The following NCBP1 variants were observed in gnomAD, a reference collection of about 807,000 sequenced individuals.
The protein encoded by NCBP1 is nuclear cap-binding protein subunit 1.
NCBP1 carries 16 observed loss-of-function variants against 111.7 expected under a neutral mutation model. The ratio of observed to expected loss-of-function variants is 0.14; its 90% confidence interval spans 0.10 to 0.22. The LOEUF is 0.22. Among genes scored for constraint, NCBP1 ranks in the 10% least tolerant of loss-of-function variants. The pLI, the probability that NCBP1 is intolerant of heterozygous loss-of-function variation, is 1.00. For missense variants in NCBP1, 607 were observed against 957.5 expected (o/e 0.63, Z 4.83); for synonymous variants, 304 against 314.3 (o/e 0.97, Z 0.35).
At chr9:97,633,980 G>T (rs1799934434) in intron 1 of NCBP1, 65 bp downstream of exon 1, 4 of 1,496,390 alleles carry the variant, frequency 2.7e-6, no homozygotes, top group Non-Finnish European at 2.7e-6. Flanking sequence ...GGCGTCTTTG[G>T]GTGTCCACGG....
Position 97,658,669 on chromosome 9 carries a change from T to C in NCBP1, c.1403T>C (p.Ile468Thr), listed in dbSNP as rs376131263. The C allele has an allele frequency of 1.2e-6, 2 of 1,612,852 alleles. No individual in the cohort carries two copies. Among genetic ancestry groups the C allele is most frequent in the African/African-American group, 2.7e-5 (2 of 74,764 alleles). Residue 468 changes from isoleucine to threonine, a missense_variant, in exon 15 of 23, where the codon ATT becomes ACT. Ile to Thr is a moderately conservative substitution (Grantham distance 89, BLOSUM62 -1). Coordinates refer to ENST00000375147, the MANE Select transcript of NCBP1 (RefSeq NM_002486.5). Reference sequence around the variant, plus strand: ...TCTTACCATCAGCGTATATTAGATATTGTTCCTCCTACCTTCTCAGCTCTG... The same window carrying C: ...TCTTACCATCAGCGTATATTAGATACTGTTCCTCCTACCTTCTCAGCTCTG... ...RLSYHQRILD[I>T]VPPTFSALCP...
At chr9:97,637,668 C>A (rs981404737) in intron 1 of NCBP1, among the ~76,000 whole-genome samples, 1 of 152,136 alleles carries the variant, frequency 6.6e-6, no homozygotes, top group African/African-American at 2.4e-5. Context: ...TGTTATCTTT[C>A]AAGTTGTTCA....
intron 10 of NCBP1, among the ~76,000 whole-genome samples, chr9:97,652,278 A>G (rs903024907): frequency 6.6e-6 from 1 of 152,194 alleles, no homozygotes; most frequent in African/African-American, 2.4e-5. Flanking sequence ...CTGGGATTAC[A>G]GGCATGAGCC....
intron 1 of NCBP1, chr9:97,635,938 T>G (rs1043312359): frequency 1.3e-5 from 2 of 152,214 alleles, no homozygotes; most frequent in Non-Finnish European, 2.9e-5. Context: ...AAAATAACTT[T>G]TGCTTTGGTT....
At chr9:97,668,751 C>A (rs1828088028) in intron 20 of NCBP1, 95 bp from the exon 21 acceptor site, 1 of 1,366,498 alleles carries the variant, frequency 7.3e-7, no homozygotes, top group South Asian at 1.4e-5. Flanking sequence ...TAAGTCTTAA[C>A]ATTTGGCCAG....
In NCBP1 at chr9:97,662,159, A is replaced by G. The variant is rs1413101846; in HGVS notation, c.1703+15A>G. The G allele has an allele frequency of 1.3e-6, 2 of 1,590,592 alleles. No homozygotes were observed. Among genetic ancestry groups the G allele is most frequent in the Non-Finnish European group, 8.6e-7 (1 of 1,159,892 alleles). On this transcript the variant is annotated intron_variant, in intron 17 of 22. Transcript: ENST00000375147. ...GCTCTTGCAAAGTATGTATGAGTAC[A>G]GAGCCTTGCTTGAGAGTTTGGAATT...
Position 97,657,202 on chromosome 9 carries a change from G to A in NCBP1, c.1373+1117G>A, listed in dbSNP as rs191379557. Reference sequence around the variant, plus strand: ...GGGATGATCTCGATCTCCTGACCTCGTGATCCGCCCGCCTCGGCCTCCCAA... The same window carrying A: ...GGGATGATCTCGATCTCCTGACCTCATGATCCGCCCGCCTCGGCCTCCCAA... On this transcript the variant is annotated intron_variant, in intron 14 of 22. Coordinates refer to ENST00000375147, the MANE Select transcript of NCBP1 (RefSeq NM_002486.5). Among the ~76,000 whole-genome samples the A allele has an allele frequency of 4.0e-4, 61 of 152,218 alleles. No homozygotes were observed. In the East Asian group the frequency reaches 8.5e-3, roughly 21 times the overall value.
intron 1 of NCBP1, among the ~76,000 whole-genome samples, 167 bp from the exon 2 acceptor site, chr9:97,640,627 C>G (rs1304057039): frequency 6.6e-6 from 1 of 152,030 alleles, no homozygotes; most frequent in Non-Finnish European, 1.5e-5. Context: ...GAATGGGAGG[C>G]TGTTGGTTAA....
intron 9 of NCBP1, 93 bp from the exon 10 acceptor site, chr9:97,651,217 T>C (rs950320237): frequency 5.3e-6 from 5 of 936,528 alleles, no homozygotes; most frequent in Non-Finnish European, 7.7e-6. Context: ...GATTTTTCTT[T>C]GCTTATATCT....
intron 17 of NCBP1, 78 bp downstream of exon 17, chr9:97,662,222 T>C (rs1827860168): frequency 9.3e-7 from 1 of 1,072,386 alleles, no homozygotes; most frequent in Admixed American, 1.8e-5. Context: ...AATTTTTACC[T>C]AAGATTGTTG....
chr9:97,647,901 C>G, intron 7 of NCBP1, 107 bp from the exon 8 acceptor site: 2 of 981,150 alleles, frequency 2.0e-6, no homozygotes, highest in East Asian at 2.6e-5. Flanking sequence ...TACCATCTTA[C>G]AAGTTAGCTT....
intron 16 of NCBP1, among the ~76,000 whole-genome samples, chr9:97,661,793 A>ATT (rs201444041): frequency 7.0e-4 from 88 of 126,156 alleles, no homozygotes; most frequent in African/African-American, 1.9e-3. Flanking sequence ...AACCTGTGTG[A>ATT]TTTTTTTTTT....
intron 1 of NCBP1, among the ~76,000 whole-genome samples, chr9:97,637,784 G>A (rs769232821): frequency 2.0e-5 from 3 of 152,118 alleles, no homozygotes; most frequent in Non-Finnish European, 4.4e-5. Flanking sequence ...ATTTTACAGG[G>A]TTGGTTTTTG....
chr9:97,644,768 A>G (rs1027941206), intron 4 of NCBP1, among the ~76,000 whole-genome samples: 2 of 152,200 alleles, frequency 1.3e-5, no homozygotes, highest in Admixed American at 6.5e-5. Context: ...TGTCCTTTAT[A>G]TAGTCTTTGT....
Position 97,671,201 on chromosome 9 carries a change from G to T in NCBP1, c.*2G>T. 1.3e-6 allele frequency: 2 copies of T among 1,579,592 alleles called. No individual in the cohort carries two copies. The highest frequency in any genetic ancestry group is 2.2e-5 in the East Asian group (1 of 44,626). On this transcript the variant is annotated 3_prime_UTR_variant, in exon 23 of 23. Coordinates refer to ENST00000375147, the MANE Select transcript of NCBP1 (RefSeq NM_002486.5). ...CAGTTCTGTGCCCTGCAGGCCTAAG[G>T]GTCATTTTTTCCTCATGTCAAGGTT...
At chr9:97,664,299 ATGTGTG>A (rs750035060) in intron 18 of NCBP1, 35 bp from the exon 19 acceptor site, 1 of 1,233,250 alleles carries the variant, frequency 8.1e-7, no homozygotes, top group Non-Finnish European at 1.2e-6. Context: ...ATGTGTGTGT[ATGTGTG>A]TGTGTGATTT....
intron 15 of NCBP1, 37 bp from the exon 16 acceptor site, chr9:97,660,909 G>T: frequency 1.3e-6 from 2 of 1,576,218 alleles, no homozygotes; most frequent in South Asian, 1.1e-5. Flanking sequence ...CTTGAAACCT[G>T]ATCTGTCATT....
rs577851997 is a variant in NCBP1 at position 97,640,916 on chromosome 9, T to C, written c.123+34T>C. The C allele has an allele frequency of 2.6e-5, 38 of 1,457,260 alleles. No homozygotes were observed. The South Asian group carries it at 4.6e-4, about 18-fold the overall frequency. The allele number at this position is 1,457,260 out of a possible 1,614,324, so 90.3% of individuals were successfully genotyped here. A position where few individuals can be genotyped will look rare whatever the true frequency, so the allele number is the denominator to read the frequency against. On this transcript the variant is annotated intron_variant, in intron 2 of 22. Transcript: ENST00000375147. Reference sequence around the variant, plus strand: ...CACAATAGGCACAGGCTGTGATGGGTTTAAGAATGTGGTTAACTGTGCTTT... The same window carrying C: ...CACAATAGGCACAGGCTGTGATGGGCTTAAGAATGTGGTTAACTGTGCTTT...
intron 22 of NCBP1, 144 bp downstream of exon 22, chr9:97,669,850 C>T (rs16923269): frequency 9.8e-6 from 7 of 713,782 alleles, no homozygotes; most frequent in Non-Finnish European, 1.8e-5. Flanking sequence ...GCTACCATTG[C>T]TCATCAGAAT....
Sources: allele counts gnomAD v4.1 joint callset (sites outside exome capture counted in the v4.1 genomes callset), GRCh38; gene constraint gnomAD v4.1.1; transcripts MANE v1.5; gene names NCBI Gene and HGNC (gene_info 2026-07-23, HGNC 2026-07-21).